CDKAL1: variants seen among roughly 807,000 people sequenced by gnomAD.
CDKAL1 encodes the protein threonylcarbamoyladenosine tRNA methylthiotransferase.
Under a neutral mutation model 68.2 loss-of-function variants are expected in CDKAL1, and 32 were observed. That is an observed-to-expected ratio of 0.47 (90% confidence interval 0.35 to 0.63). The LOEUF is 0.63. Ranked by LOEUF, CDKAL1 falls within the 30% of genes least tolerant of loss-of-function variation. The pLI is 0.00. For missense variants in CDKAL1, 606 were observed against 696.7 expected (o/e 0.87, Z 1.47); for synonymous variants, 234 against 244.3 (o/e 0.96, Z 0.39).
chr6:21,137,501 G>T (rs1362188014), intron 13 of CDKAL1, among the ~76,000 whole-genome samples: 1 of 152,162 alleles, frequency 6.6e-6, no homozygotes, highest in Non-Finnish European at 1.5e-5. Context: ...GAAACAATGG[G>T]CTAAAGTCAT....
At chr6:20,751,017 A>G (rs1249750805) in intron 6 of CDKAL1, among the ~76,000 whole-genome samples, 1 of 140,990 alleles carries the variant, frequency 7.1e-6, no homozygotes, top group East Asian at 2.3e-4. Flanking sequence ...CCTCCCTAGT[A>G]GTGTTTGAGG....
chr6:21,150,844 T>C (rs1256026134), intron 13 of CDKAL1, among the ~76,000 whole-genome samples: 1 of 152,204 alleles, frequency 6.6e-6, no homozygotes, highest in Non-Finnish European at 1.5e-5. Context: ...AATGTCACAT[T>C]ACTATGAGAG....
In CDKAL1 at chr6:20,622,817, T is replaced by G. The variant is rs113264644; in HGVS notation, c.287-26476T>G. ...CTCAAGTTTACCATTTACATTTAAGTACAGTTGTAATATCTAGTTGCTATC... is the reference window on the plus strand; with the variant it reads ...CTCAAGTTTACCATTTACATTTAAGGACAGTTGTAATATCTAGTTGCTATC... On this transcript the variant is annotated intron_variant, in intron 4 of 15. Transcript: ENST00000274695. Among the ~76,000 whole-genome samples the G allele has an allele frequency of 3.3e-3, 505 of 152,166 alleles. 4 individuals carry two copies. The highest frequency in any genetic ancestry group is 5.2e-3 in the Non-Finnish European group (352 of 67,948).
intron 11 of CDKAL1, among the ~76,000 whole-genome samples, chr6:21,061,099 C>T (rs1033189710): frequency 6.6e-6 from 1 of 152,094 alleles, no homozygotes; most frequent in Non-Finnish European, 1.5e-5. Context: ...AAATAATTAA[C>T]TTTTAAAATA....
intron 5 of CDKAL1, among the ~76,000 whole-genome samples, chr6:20,731,622 G>A (rs182351370): frequency 1.5e-4 from 23 of 152,272 alleles, no homozygotes; most frequent in African/African-American, 4.8e-4. Context: ...TCACTAGCCT[G>A]AGAAGCTAGG....
intron 9 of CDKAL1, among the ~76,000 whole-genome samples, chr6:20,888,436 T>C (rs904641201): frequency 4.7e-5 from 7 of 150,410 alleles, no homozygotes; most frequent in Non-Finnish European, 4.4e-5. Context: ...TTGTTACATA[T>C]GTATACATGT....
intron 9 of CDKAL1, among the ~76,000 whole-genome samples, chr6:20,889,548 A>G (rs1418653543): frequency 6.6e-6 from 1 of 152,056 alleles, no homozygotes; most frequent in Non-Finnish European, 1.5e-5. Flanking sequence ...TAATTTTTGT[A>G]TAAGGTGTAA....
intron 10 of CDKAL1, among the ~76,000 whole-genome samples, chr6:20,969,355 T>G (rs1260494935): frequency 6.6e-6 from 1 of 152,118 alleles, no homozygotes; most frequent in Non-Finnish European, 1.5e-5. Flanking sequence ...GAAAATATAT[T>G]TACTATTCAT....
At chr6:20,945,089 C>CAT (rs1215145433) in intron 9 of CDKAL1, among the ~76,000 whole-genome samples, 33 of 152,026 alleles carry the variant, frequency 2.2e-4, no homozygotes, top group African/African-American at 7.5e-4. Flanking sequence ...CACACACACA[C>CAT]ACACACAACC....
chr6:20,785,314 C>CTTT (rs5874783), intron 8 of CDKAL1, among the ~76,000 whole-genome samples: 1 of 96,100 alleles, frequency 1.0e-5, no homozygotes, highest in Non-Finnish European at 2.1e-5. Flanking sequence ...ATTTCTTTTT[C>CTTT]TTTTTTTTTT....
chr6:20,642,835 T>C (rs547309335), intron 4 of CDKAL1, among the ~76,000 whole-genome samples: 2 of 152,118 alleles, frequency 1.3e-5, no homozygotes, highest in Non-Finnish European at 2.9e-5. Flanking sequence ...CAGTACTGTT[T>C]GTAATAAAGA....
chr6:21,020,141 A>G (rs1224453398), intron 11 of CDKAL1, among the ~76,000 whole-genome samples: 1 of 152,212 alleles, frequency 6.6e-6, no homozygotes, highest in Non-Finnish European at 1.5e-5. Context: ...TGCCAATTTA[A>G]TTAACATGAT....
intron 5 of CDKAL1, among the ~76,000 whole-genome samples, chr6:20,716,163 TGTG>T (rs1418720169): frequency 3.9e-5 from 6 of 152,272 alleles, no homozygotes; most frequent in African/African-American, 1.4e-4. Context: ...TTCTCAGCCT[TGTG>T]GGGATTGGGG....
At chr6:20,900,336 A>T (rs1427377472) in intron 9 of CDKAL1, among the ~76,000 whole-genome samples, 1 of 152,208 alleles carries the variant, frequency 6.6e-6, no homozygotes, top group Non-Finnish European at 1.5e-5. Flanking sequence ...GGCTCCTACC[A>T]TTTAAAAGAT....
In CDKAL1 at chr6:21,191,992, C is replaced by CTTTTTTTTTTTTTTTTT. The variant is rs145894251; in HGVS notation, c.1300-6005_1300-5989dup. Among the ~76,000 whole-genome samples the CTTTTTTTTTTTTTTTTT allele has an allele frequency of 4.3e-4, 15 of 34,530 alleles. 5 individuals are homozygous for CTTTTTTTTTTTTTTTTT. Among genetic ancestry groups the CTTTTTTTTTTTTTTTTT allele is most frequent in the Non-Finnish European group, 6.6e-4 (12 of 18,288 alleles). The allele number at this position is 34,530 out of a possible 152,430, so 22.7% of individuals were successfully genotyped here. A position where few individuals can be genotyped will look rare whatever the true frequency, so the allele number is the denominator to read the frequency against. On this transcript the variant is annotated intron_variant, in intron 13 of 15. Coordinates refer to ENST00000274695, the MANE Select transcript of CDKAL1 (RefSeq NM_017774.3). ...AGGAATATTTTTATAATTCATTTTTCTTTTTTTTTTTTTTTTTTTTTTTTT... is the reference window on the plus strand; with the variant it reads ...AGGAATATTTTTATAATTCATTTTTCTTTTTTTTTTTTTTTTTTTTTTTTTTTTTTTTTTTTTTTTTT...
intron 4 of CDKAL1, among the ~76,000 whole-genome samples, chr6:20,638,616 T>G (rs1348879111): frequency 5.1e-4 from 1 of 1,974 alleles, no homozygotes; most frequent in Non-Finnish European, 8.5e-4. Flanking sequence ...TTAGAGATTC[T>G]TTTTTTTTTT....
chr6:20,703,124 C>T (rs1186321211), intron 5 of CDKAL1, among the ~76,000 whole-genome samples: 3 of 152,172 alleles, frequency 2.0e-5, no homozygotes, highest in East Asian at 1.9e-4. Context: ...ACTTTTGGCA[C>T]GTAGCTTCCT....
chr6:20,878,493 A>C (rs1276307108), intron 9 of CDKAL1, among the ~76,000 whole-genome samples: 1 of 152,150 alleles, frequency 6.6e-6, no homozygotes, highest in African/African-American at 2.4e-5. Flanking sequence ...TAATCCCAGC[A>C]CTTTGAGGGG....
chr6:21,037,235 T>C (rs1367928481), intron 11 of CDKAL1, among the ~76,000 whole-genome samples: 1 of 152,146 alleles, frequency 6.6e-6, no homozygotes, highest in Non-Finnish European at 1.5e-5. Context: ...ACAATTGTTT[T>C]TAGCACAGAG....
Sources: allele counts gnomAD v4.1 joint callset (sites outside exome capture counted in the v4.1 genomes callset), GRCh38; gene constraint gnomAD v4.1.1; transcripts MANE v1.5; gene names NCBI Gene and HGNC (gene_info 2026-07-23, HGNC 2026-07-21).